The following SLC25A10 variants were observed in gnomAD, a reference collection of about 807,000 sequenced individuals.
The protein encoded by SLC25A10 is solute carrier family 25 member 10.
SLC25A10 carries 32 observed loss-of-function variants against 40.4 expected under a neutral mutation model. The observed-to-expected ratio is 0.79, with a 90% CI of 0.60 to 1.06. The LOEUF (loss-of-function observed/expected upper bound fraction) is 1.06, where lower values mean the gene tolerates loss of function less well. Among genes scored for constraint, SLC25A10 ranks in the 50% least tolerant of loss-of-function variants. The pLI is 0.00. For missense variants in SLC25A10, 394 were observed against 402.6 expected (o/e 0.98, Z 0.18); for synonymous variants, 181 against 171.1 (o/e 1.06, Z -0.45).
At chr17:81,717,936 T>TC in intron 9 of SLC25A10, 75 bp downstream of exon 9, 1 of 1,136,576 alleles carries the variant, frequency 8.8e-7, no homozygotes, top group Non-Finnish European at 1.3e-6. Flanking sequence ...GGGTGGACAC[T>TC]CGCACTGGGG....
At chr17:81,718,627 C>T (rs999338848) in intron 9 of SLC25A10, among the ~76,000 whole-genome samples, 1 of 151,982 alleles carries the variant, frequency 6.6e-6, no homozygotes, top group Non-Finnish European at 1.5e-5. Context: ...TGCATTCCAG[C>T]CTGGGTGACA....
chr17:81,720,577 C>T lies in SLC25A10; in HGVS notation c.*500C>T. The T allele has an allele frequency of 8.1e-7, 1 of 1,227,204 alleles. No individual in the cohort carries two copies. The highest frequency in any genetic ancestry group is 1.0e-6 in the Non-Finnish European group (1 of 974,434). 76.0% of individuals were successfully genotyped at this position (1,227,204 alleles called of 1,614,324 possible). On this transcript the variant is annotated 3_prime_UTR_variant, in exon 11 of 11. Coordinates refer to ENST00000350690, the MANE Select transcript of SLC25A10 (RefSeq NM_012140.5). ...CTTCCATGTCCTCGGGCAGCTGCAACTCCCCGCGAGACCCCGCAGCTGGGT... is the reference window on the plus strand; with the variant it reads ...CTTCCATGTCCTCGGGCAGCTGCAATTCCCCGCGAGACCCCGCAGCTGGGT...
chr17:81,720,053 C>T lies in SLC25A10; in HGVS notation c.840C>T (p.Asn280=), dbSNP rs1486030240. 1 of 1,613,476 alleles carries T rather than the reference C, an allele frequency of 6.2e-7. No individual in the cohort carries two copies. The highest frequency in any genetic ancestry group is 8.5e-7 in the Non-Finnish European group (1 of 1,180,018). The change falls in exon 11 of 11, where the codon AAC becomes AAT. Residue 280 remains asparagine (N), a synonymous_variant. Transcript: ENST00000350690. The stretch of plus-strand genomic sequence containing the variant: ...TGTTTCTGGAACAGCTACGCAAAAA[C>T]TTTGGCATCAAAGTGCCATCCTGAC... ...TFVFLEQLRK[N]FGIKVPS is the part of the protein sequence containing the mutation.
rs2037558538 is a variant in SLC25A10, at chr17:81,719,896, G to A, written c.762+9G>A. 2 of 1,613,434 alleles carry A rather than the reference G, an allele frequency of 1.2e-6. No individual in the cohort carries two copies. The highest frequency in any genetic ancestry group is 1.3e-5 in the African/African-American group (1 of 74,958). On this transcript the variant is annotated intron_variant, in intron 10 of 10. Transcript: ENST00000350690. ...CTCTGGCCTTTTACAAGGTGCAGTG[G>A]TGGCGGCAGTGGCGGCTTGGGCAAT...
chr17:81,716,018 C>G lies in SLC25A10; in HGVS notation c.387C>G (p.Asn129Lys), dbSNP rs766399714. The G allele has an allele frequency of 6.3e-7, 1 of 1,591,552 alleles. No homozygotes were observed. The highest frequency in any genetic ancestry group is 1.1e-5 in the South Asian group (1 of 88,360). The change falls in exon 5 of 11, where the codon AAC (asparagine) becomes AAG (lysine). Residue 129 changes from asparagine (N) to lysine (K), a missense_variant. Physicochemically the swap from Asn to Lys is moderately conservative, Grantham distance 94. Coordinates refer to ENST00000350690, the MANE Select transcript of SLC25A10 (RefSeq NM_012140.5). ...CCTGCTTCTGTTTCAGGATGCAGAA[C>G]GACGTGAAGCTGCCCCAGGGTCAGC... ...PADLVNVRMQ[N>K]DVKLPQGQRR...
chr17:81,715,127 G>T, intron 2 of SLC25A10, 55 bp downstream of exon 2: 2 of 1,590,090 alleles, frequency 1.3e-6, no homozygotes, highest in Non-Finnish European at 8.6e-7. Flanking sequence ...TCCTGCAGTG[G>T]CATCCAAGCT....
Position 81,716,559 on chromosome 17 carries a change from C to T in SLC25A10, c.420-253C>T, listed in dbSNP as rs577390317. 3 of 582,464 alleles carry T rather than the reference C, an allele frequency of 5.2e-6. No individual in the cohort carries two copies. The South Asian group carries it at 6.3e-5, about 12-fold the overall frequency. 36.1% of individuals were successfully genotyped at this position (582,464 alleles called of 1,614,324 possible). A position where few individuals can be genotyped will look rare whatever the true frequency, so the allele number is the denominator to read the frequency against. Reference sequence around the variant, plus strand: ...CCCCGGGGGCTGGCGGGCAGGAGGCCTGCATGCTAGGAGCGGTGCCCAGCC... The same window carrying T: ...CCCCGGGGGCTGGCGGGCAGGAGGCTTGCATGCTAGGAGCGGTGCCCAGCC... On this transcript the variant is annotated intron_variant, in intron 5 of 10. Transcript: ENST00000350690.
chr17:81,719,805 T>C (rs1304411817), intron 9 of SLC25A10, 26 bp from the exon 10 acceptor site: 1 of 1,612,042 alleles, frequency 6.2e-7, no homozygotes, highest in Admixed American at 1.7e-5. Flanking sequence ...GCAGCCTTTT[T>C]GATTGTTTCA....
rs370071316 is a variant in SLC25A10, at chr17:81,716,843, G to A, written c.451G>A (p.Val151Ile). The A allele has an allele frequency of 9.3e-6, 15 of 1,611,136 alleles. No homozygotes were observed. Among genetic ancestry groups the A allele is most frequent in the Admixed American group, 5.0e-5 (3 of 59,640 alleles). ...YAHALDGLYRVAREEGLRRLF... is the reference protein window; with the variant it reads ...YAHALDGLYRIAREEGLRRLF... The stretch of plus-strand genomic sequence containing the variant: ...CCATGCGCTGGATGGCCTGTACCGC[G>A]TAGCTCGTGAAGGTGAGGGGCAGGT... Residue 151 changes from valine to isoleucine, a missense_variant, in exon 6 of 11, where the codon GTA becomes ATA. Val to Ile is a conservative substitution (Grantham distance 29). Coordinates refer to ENST00000350690, the MANE Select transcript of SLC25A10 (RefSeq NM_012140.5).
At chr17:81,713,492 C>T (rs1474670266) in intron 1 of SLC25A10, 69 of 985,322 alleles carry the variant, frequency 7.0e-5, no homozygotes, top group Non-Finnish European at 8.2e-5. Flanking sequence ...ATGCTGGTCG[C>T]TGCGTGAAGG....
intron 3 of SLC25A10, 34 bp from the exon 4 acceptor site, chr17:81,715,649 CCGTGTGTCAG>C: frequency 6.2e-7 from 1 of 1,612,896 alleles, no homozygotes; most frequent in Non-Finnish European, 8.5e-7. Context: ...GCCGAGGACG[CCGTGTGTCAG>C]CACGGCTCAT....
chr17:81,715,529 G>A lies in SLC25A10; in HGVS notation c.265G>A (p.Val89Met), dbSNP rs147479023. 1.0e-4 allele frequency: 166 copies of A among 1,612,970 alleles called. No homozygotes were observed. In the African/African-American group the frequency reaches 1.8e-3, roughly 18 times the overall value. ...FAIYETVRDRVAKGSQGPLPF... is the reference protein window; with the variant it reads ...FAIYETVRDRMAKGSQGPLPF... ...CATCTACGAGACTGTGCGGGACCGT[G>A]TGGCCAAGGGCAGCCAGGGGCCTCT... The change falls in exon 3 of 11, where the codon GTG (valine) becomes ATG (methionine). Residue 89 changes from valine (V) to methionine (M), a missense_variant. By Grantham distance (21) the Val-to-Met change is conservative (BLOSUM62 1). Transcript: ENST00000350690.
rs769900481 is a variant in SLC25A10, at chr17:81,719,921, T to G, written c.762+34T>G. ...GTGGCGGCAGTGGCGGCTTGGGCAA[T>G]GGGGAGCGGGCCCCTTCGGGCTCTG... On this transcript the variant is annotated intron_variant, in intron 10 of 10. Coordinates refer to ENST00000350690, the MANE Select transcript of SLC25A10 (RefSeq NM_012140.5). 5 of 1,613,476 alleles carry G rather than the reference T, an allele frequency of 3.1e-6. No individual in the cohort carries two copies. The East Asian group carries it at 1.1e-4, about 36-fold the overall frequency.
At chr17:81,716,108 G>A (rs980913038) in intron 5 of SLC25A10, 58 bp downstream of exon 5, 44 of 1,536,896 alleles carry the variant, frequency 2.9e-5, no homozygotes, top group Non-Finnish European at 3.5e-5. Flanking sequence ...GGGCGGGAGC[G>A]GACCCCTGGC....
intron 9 of SLC25A10, among the ~76,000 whole-genome samples, chr17:81,719,049 A>G (rs2037541232): frequency 2.0e-5 from 3 of 149,716 alleles, no homozygotes; most frequent in Non-Finnish European, 3.0e-5. Flanking sequence ...CTCCTGCCTC[A>G]GCCTCCCAAG....
chr17:81,718,963 CA>C (rs1003528399), intron 9 of SLC25A10, among the ~76,000 whole-genome samples: 1 of 148,130 alleles, frequency 6.8e-6, no homozygotes, highest in African/African-American at 2.5e-5. Flanking sequence ...AAACAAAAAA[CA>C]AAAAAAAACA....
intron 9 of SLC25A10, 139 bp from the exon 10 acceptor site, chr17:81,719,692 C>G: frequency 1.0e-6 from 1 of 1,004,780 alleles, no homozygotes; most frequent in Non-Finnish European, 1.5e-6. Flanking sequence ...CAGCAGCCGC[C>G]GCTCACACCC....
chr17:81,717,800 T>G lies in SLC25A10; in HGVS notation c.644T>G (p.Phe215Cys). ...ASFIAGGCAT[F>C]LCQPLDVLKT... ...CCTCCTCAGGGTGGATGTGCCACGT[T>G]CCTGTGCCAGCCCCTGGATGTGCTG... is the stretch of plus-strand genomic sequence containing the variant. The change falls in exon 9 of 11, where the codon TTC becomes TGC. Residue 215 changes from phenylalanine (F) to cysteine (C), a missense_variant. By Grantham distance (205) the Phe-to-Cys change is radical. Coordinates refer to ENST00000350690, the MANE Select transcript of SLC25A10 (RefSeq NM_012140.5). 1 of 1,612,046 alleles carries G rather than the reference T, an allele frequency of 6.2e-7. No individual in the cohort carries two copies.
At position 81,714,973 on chromosome 17, in the gene SLC25A10, G is replaced by A. The variant is rs759442880; in HGVS notation, c.114G>A (p.Gln38=). The part of the protein sequence containing the change: ...DLLKVHLQTQ[Q]EVKLRMTGMA... ...CGCAGGTGCATCTGCAGACGCAGCA[G>A]GAGGTGAAGCTGCGCATGACGGGCA... Residue 38 remains glutamine, a synonymous_variant, in exon 2 of 11, where the codon CAG becomes CAA. Transcript: ENST00000350690. 19 of 1,609,078 alleles carry A rather than the reference G, an allele frequency of 1.2e-5. No individual in the cohort carries two copies. Among genetic ancestry groups the A allele is most frequent in the Non-Finnish European group, 1.6e-5 (19 of 1,179,912 alleles).
Sources: allele counts gnomAD v4.1 joint callset (sites outside exome capture counted in the v4.1 genomes callset), GRCh38; gene constraint gnomAD v4.1.1; transcripts MANE v1.5; gene names NCBI Gene and HGNC (gene_info 2026-07-23, HGNC 2026-07-21).